Variants in WDFY3 observed in about 807,000 individuals in gnomAD.
The protein encoded by WDFY3 is WD repeat and FYVE domain-containing protein 3.
Under a neutral mutation model 409.6 loss-of-function variants are expected in WDFY3, and 66 were observed. The observed-to-expected ratio is 0.16, with a 90% confidence interval of 0.13 to 0.20. The LOEUF is 0.20. Ranked by LOEUF, WDFY3 falls within the 10% of genes least tolerant of loss-of-function variation. The pLI, the probability that WDFY3 is intolerant of heterozygous loss-of-function variation, is 1.00. For missense variants in WDFY3, 3,031 were observed against 4,298.1 expected, an observed-to-expected ratio of 0.71 and a Z score of 8.24; for synonymous variants, 1,521 against 1,537.1, an observed-to-expected ratio of 0.99 and a Z score of 0.25.
chr4:84,732,643 CTTGT>C (rs1736794462), intron 44 of WDFY3, among the ~76,000 whole-genome samples: 1 of 152,050 alleles, frequency 6.6e-6, no homozygotes, highest in Non-Finnish European at 1.5e-5. Context: ...TCCTTCGTAC[CTTGT>C]TTATTTCATG....
chr4:84,913,754 C>CAA (rs879931090), intron 2 of WDFY3, among the ~76,000 whole-genome samples: 3 of 130,802 alleles, frequency 2.3e-5, no homozygotes, highest in Admixed American at 7.5e-5. Context: ...AGAAATAAAG[C>CAA]AAAAAAAAAA....
chr4:84,773,754 C>T (rs983307443), intron 29 of WDFY3, among the ~76,000 whole-genome samples: 4 of 152,144 alleles, frequency 2.6e-5, no homozygotes, highest in Admixed American at 6.5e-5. Flanking sequence ...GAGTTTCACC[C>T]TTGTCACCCA....
chr4:84,771,367 G>T (rs1016931010), intron 30 of WDFY3, among the ~76,000 whole-genome samples: 1 of 152,070 alleles, frequency 6.6e-6, no homozygotes, highest in African/African-American at 2.4e-5. Context: ...TGAATTCCTG[G>T]ACTCAAGCAA....
chr4:84,853,480 A>G (rs1268298411), intron 4 of WDFY3, among the ~76,000 whole-genome samples: 3 of 151,972 alleles, frequency 2.0e-5, no homozygotes, highest in Non-Finnish European at 4.4e-5. Flanking sequence ...GGCTGAGTAC[A>G]TGGTTTTTTA....
intron 24 of WDFY3, among the ~76,000 whole-genome samples, chr4:84,784,883 TATATATATACAC>T (rs1337273732): frequency 2.5e-4 from 23 of 90,602 alleles, no homozygotes; most frequent in African/African-American, 4.2e-4. Context: ...TATATATATA[TATATATATACAC>T]ACACACACAC....
At chr4:84,783,101 T>C (rs201177530) in intron 24 of WDFY3, 27 bp from the exon 25 acceptor site, 233 of 1,582,280 alleles carry the variant, frequency 1.5e-4, no homozygotes, top group Non-Finnish European at 1.9e-4. Flanking sequence ...GAAAAGAATG[T>C]AATTATATAA....
intron 50 of WDFY3, among the ~76,000 whole-genome samples, chr4:84,713,716 C>T (rs550163124): frequency 3.5e-4 from 53 of 152,302 alleles, no homozygotes; most frequent in African/African-American, 1.3e-3. Flanking sequence ...CTTCAAAGAA[C>T]AAGAGAATGC....
At chr4:84,731,311 C>T (rs1293872328) in intron 44 of WDFY3, among the ~76,000 whole-genome samples, 3 of 152,054 alleles carry the variant, frequency 2.0e-5, no homozygotes, top group African/African-American at 4.8e-5. Flanking sequence ...TTAACTCTGC[C>T]GGAATGCACA....
intron 21 of WDFY3, 147 bp downstream of exon 21, chr4:84,794,372 A>G: frequency 1.2e-6 from 1 of 812,714 alleles, no homozygotes; most frequent in Non-Finnish European, 1.9e-6. Flanking sequence ...TTCACTGGTA[A>G]GCAATATTCA....
In WDFY3 at chr4:84,796,664, C is replaced by A; in HGVS notation, c.3024G>T (p.Leu1008=). Residue 1008 remains leucine, a synonymous_variant, in exon 19 of 68, where the codon CTG becomes CTT. Transcript: ENST00000295888. ...CAGTACTTCCTTCCGCAGATTTTACCAGGCTCTTGCTTATCCGGTAATGGT... is the reference window on the plus strand; with the variant it reads ...CAGTACTTCCTTCCGCAGATTTTACAAGGCTCTTGCTTATCCGGTAATGGT... ...EDNHYRISKS[L]VKSAEGSTVP... is the part of the protein sequence containing the mutation. 2.5e-6 allele frequency: 4 copies of A among 1,614,144 alleles called. No individual in the cohort carries two copies. The highest frequency in any genetic ancestry group is 3.4e-6 in the Non-Finnish European group (4 of 1,179,998).
At chr4:84,867,947 G>A (rs1390175134) in intron 3 of WDFY3, among the ~76,000 whole-genome samples, 3 of 151,950 alleles carry the variant, frequency 2.0e-5, no homozygotes, top group Non-Finnish European at 4.4e-5. Context: ...AAGGCGGGCA[G>A]ATCACAAGGT....
intron 15 of WDFY3, 85 bp downstream of exon 15, chr4:84,808,249 C>A: frequency 9.2e-7 from 1 of 1,089,416 alleles, no homozygotes; most frequent in Non-Finnish European, 1.3e-6. Flanking sequence ...AATCACAAAA[C>A]ACAATCAACA....
chr4:84,937,080 C>T (rs994198692), intron 1 of WDFY3, among the ~76,000 whole-genome samples: 6 of 152,072 alleles, frequency 3.9e-5, no homozygotes, highest in African/African-American at 1.4e-4. Flanking sequence ...CCTTTTTTAG[C>T]AAAACATCAC....
rs1730087379 is a variant in WDFY3 at position 84,696,030 on chromosome 4, G to A, written c.8841C>T (p.Asp2947=). ...CAATTGTGGCTGTCTCCTTTAGTGG[G>A]TCATTGATGTTGTAGATATCCACTT... The part of the protein sequence containing the change: ...EGQVDIYNIN[D]PLKETATIGF... Residue 2947 remains aspartate (D), a synonymous_variant, in exon 58 of 68, where the codon GAC becomes GAT. Transcript: ENST00000295888. 6.2e-7 allele frequency: 1 copy of A among 1,614,112 alleles called. No individual in the cohort carries two copies. Among genetic ancestry groups the A allele is most frequent in the African/African-American group, 1.3e-5 (1 of 75,036 alleles).
At chr4:84,895,232 A>C (rs1419666619) in intron 3 of WDFY3, among the ~76,000 whole-genome samples, 1 of 152,190 alleles carries the variant, frequency 6.6e-6, no homozygotes, top group African/African-American at 2.4e-5. Context: ...TAAATCAATC[A>C]CACTCTACCC....
At chr4:84,932,819 G>C (rs1211524000) in intron 1 of WDFY3, among the ~76,000 whole-genome samples, 3 of 152,148 alleles carry the variant, frequency 2.0e-5, no homozygotes, top group Admixed American at 2.0e-4. Context: ...GAGCTGAATT[G>C]ATTTGTTCTA....
intron 58 of WDFY3, among the ~76,000 whole-genome samples, chr4:84,695,302 C>T (rs920903791): frequency 5.9e-5 from 9 of 152,078 alleles, no homozygotes; most frequent in Non-Finnish European, 8.8e-5. Context: ...GCAGCTATTG[C>T]GTGTCCTAGG....
chr4:84,782,816 T>C (rs1194487908), intron 25 of WDFY3, 147 bp downstream of exon 25: 1 of 614,202 alleles, frequency 1.6e-6, no homozygotes, highest in Non-Finnish European at 2.8e-6. Context: ...TTTGAGATTG[T>C]TACATGTAAT....
chr4:84,851,702 C>A (rs2150126949), intron 4 of WDFY3, among the ~76,000 whole-genome samples: 1 of 152,196 alleles, frequency 6.6e-6, no homozygotes, highest in South Asian at 2.1e-4. Context: ...ATTCACAATG[C>A]CTTTAGCATG....
Sources: gnomAD v4.1 joint callset for allele counts (sites outside exome capture counted in the v4.1 genomes callset) on GRCh38, gnomAD v4.1.1 for gene constraint, MANE v1.5 for transcripts, NCBI Gene and HGNC (gene_info 2026-07-23, HGNC 2026-07-21) for gene names.